The following HMBOX1 variants were observed in gnomAD, a reference collection of about 807,000 sequenced individuals.
The protein encoded by HMBOX1 is homeobox-containing protein 1.
Under a neutral mutation model 54.5 loss-of-function variants are expected in HMBOX1, and 14 were observed. That is an observed-to-expected ratio of 0.26 (90% CI 0.17 to 0.40). The LOEUF (loss-of-function observed/expected upper bound fraction) is 0.40. Ranked by LOEUF, HMBOX1 falls within the 10% of genes least tolerant of loss-of-function variation. The pLI is 1.00. For missense variants in HMBOX1, 332 were observed against 514.4 expected, an observed-to-expected ratio of 0.65 and a Z score of 3.43; for synonymous variants, 160 against 181.0, an observed-to-expected ratio of 0.88 and a Z score of 0.93.
intron 1 of HMBOX1, among the ~76,000 whole-genome samples, chr8:28,910,772 T>C (rs1015653202): frequency 6.6e-6 from 1 of 152,190 alleles, no homozygotes; most frequent in African/African-American, 2.4e-5. Context: ...ATGTCTTTTA[T>C]AGATATATTA....
intron 9 of HMBOX1, chr8:29,050,266 C>T: frequency 1.0e-6 from 1 of 972,340 alleles, no homozygotes; most frequent in South Asian, 4.8e-5. Flanking sequence ...GAGAAACATA[C>T]CCCTTATTTG....
intron 3 of HMBOX1, among the ~76,000 whole-genome samples, chr8:28,975,101 C>A (rs1268693664): frequency 6.6e-6 from 1 of 152,160 alleles, no homozygotes; most frequent in Non-Finnish European, 1.5e-5. Flanking sequence ...ATCAGGCTTT[C>A]CATTTTACAA....
At chr8:28,921,025 A>C (rs1817467499) in intron 1 of HMBOX1, among the ~76,000 whole-genome samples, 2 of 152,242 alleles carry the variant, frequency 1.3e-5, no homozygotes, top group African/African-American at 4.8e-5. Flanking sequence ...CAAACATTTC[A>C]TAAGCATTTA....
intron 4 of HMBOX1, among the ~76,000 whole-genome samples, chr8:29,003,350 G>C (rs1161588082): frequency 6.6e-6 from 1 of 150,868 alleles, no homozygotes. Flanking sequence ...AATAAATTAT[G>C]GTATAGAATA....
Position 29,038,326 on chromosome 8 carries a change from A to T in HMBOX1, c.852-7035A>T, listed in dbSNP as rs561619737. ...AAGACATTCACTGATCACTCAGCCGACAGTGTCCTTTGTAAAAGTGTAGTG... is the reference window on the plus strand; with the variant it reads ...AAGACATTCACTGATCACTCAGCCGTCAGTGTCCTTTGTAAAAGTGTAGTG... On this transcript the variant is annotated intron_variant, in intron 6 of 9. Coordinates refer to ENST00000287701, the MANE Select transcript of HMBOX1 (RefSeq NM_001135726.3). Among the ~76,000 whole-genome samples the T allele has an allele frequency of 6.8e-4, 104 of 152,324 alleles. No homozygotes were observed. The Middle Eastern group carries it at 0.017, about 25-fold the overall frequency.
intron 1 of HMBOX1, among the ~76,000 whole-genome samples, chr8:28,932,809 G>T (rs1819687043): frequency 6.6e-6 from 1 of 152,172 alleles, no homozygotes; most frequent in Non-Finnish European, 1.5e-5. Flanking sequence ...GCTAGAAGGT[G>T]CAAAATGGCC....
rs764669920 is a variant in HMBOX1 at position 29,018,804 on chromosome 8, C to A, written c.742C>A (p.Pro248Thr). Residue 248 changes from proline to threonine, a missense_variant, in exon 6 of 10, where the codon CCT becomes ACT. Pro to Thr is a conservative substitution (Grantham distance 38, BLOSUM62 -1). Around this residue, in one of 4 missense-constraint regions of HMBOX1, gnomAD observed 117 missense variants for 220.0 expected, o/e 0.53. Coordinates refer to ENST00000287701, the MANE Select transcript of HMBOX1 (RefSeq NM_001135726.3). ...ACCAGCCCCCATTCCAATAGAGGAC[C>A]CTGAATGGAGACAAACGCCTCCCCC... Reference protein sequence around the residue: ...MRPAPIPIEDPEWRQTPPPVS... With the variant: ...MRPAPIPIEDTEWRQTPPPVS... 6.2e-7 allele frequency: 1 copy of A among 1,614,112 alleles called. No homozygotes were observed. Among genetic ancestry groups the A allele is most frequent in the Non-Finnish European group, 8.5e-7 (1 of 1,179,964 alleles).
chr8:28,973,735 T>C (rs1827832975), intron 3 of HMBOX1, among the ~76,000 whole-genome samples: 1 of 151,730 alleles, frequency 6.6e-6, no homozygotes, highest in African/African-American at 2.4e-5. Flanking sequence ...CAAGATGTAG[T>C]TTTAAAAATC....
At chr8:29,008,626 G>C (rs1010162563) in intron 4 of HMBOX1, among the ~76,000 whole-genome samples, 1 of 152,000 alleles carries the variant, frequency 6.6e-6, no homozygotes, top group African/African-American at 2.4e-5. Context: ...AAATCTTTTG[G>C]TCAGTATCCG....
intron 1 of HMBOX1, among the ~76,000 whole-genome samples, chr8:28,923,526 T>C (rs1817895262): frequency 6.6e-6 from 1 of 152,228 alleles, no homozygotes. Flanking sequence ...ACTTTTTTCT[T>C]GTCATTTGTC....
At chr8:28,992,760 C>T (rs868399890) in intron 4 of HMBOX1, among the ~76,000 whole-genome samples, 10 of 149,284 alleles carry the variant, frequency 6.7e-5, no homozygotes, top group African/African-American at 2.2e-4. Context: ...ATCCCAGCTA[C>T]TCAGGAGGCT....
intron 1 of HMBOX1, among the ~76,000 whole-genome samples, chr8:28,901,878 C>T (rs1813298135): frequency 6.6e-6 from 1 of 152,268 alleles, no homozygotes; most frequent in South Asian, 2.1e-4. Flanking sequence ...CTACCTTACC[C>T]ACTTAATGTA....
intron 7 of HMBOX1, among the ~76,000 whole-genome samples, chr8:29,047,104 A>C (rs1487044804): frequency 6.6e-6 from 1 of 152,204 alleles, no homozygotes; most frequent in Non-Finnish European, 1.5e-5. Flanking sequence ...GAATTCTCTA[A>C]TATTATGTAT....
chr8:28,908,319 T>C (rs1814729245), intron 1 of HMBOX1, among the ~76,000 whole-genome samples: 1 of 152,210 alleles, frequency 6.6e-6, no homozygotes, highest in Non-Finnish European at 1.5e-5. Flanking sequence ...AAAGAGTAGA[T>C]TTATTTTGCA....
intron 4 of HMBOX1, among the ~76,000 whole-genome samples, chr8:28,993,395 A>G (rs1429303918): frequency 6.6e-6 from 1 of 152,212 alleles, no homozygotes; most frequent in Non-Finnish European, 1.5e-5. Context: ...TATGTCTAGA[A>G]TGATGACAGT....
chr8:28,943,127 G>A (rs1014633704), intron 1 of HMBOX1, among the ~76,000 whole-genome samples: 2 of 152,192 alleles, frequency 1.3e-5, no homozygotes, highest in Non-Finnish European at 2.9e-5. Flanking sequence ...AGGTTGTTGT[G>A]TTTCACGCTG....
At position 28,963,845 on chromosome 8, in the gene HMBOX1, TA is replaced by T. The variant is rs1826000263; in HGVS notation, c.-22del. The T allele has an allele frequency of 6.3e-7, 1 of 1,592,090 alleles. No individual in the cohort carries two copies. Among genetic ancestry groups the T allele is most frequent in the Admixed American group, 1.7e-5 (1 of 59,264 alleles). On this transcript the variant is annotated 5_prime_UTR_variant, in exon 2 of 10. An upstream open reading frame in the 5' UTR loses its in-frame stop. Coordinates refer to ENST00000287701, the MANE Select transcript of HMBOX1 (RefSeq NM_001135726.3). Reference sequence around the variant, plus strand: ...TAACGCAGATCATCTCTGGAAAGGATATTGATCCGCCTCATGTAAAGTATGC... The same window carrying T: ...TAACGCAGATCATCTCTGGAAAGGATTTGATCCGCCTCATGTAAAGTATGC...
At position 29,052,170 on chromosome 8, in the gene HMBOX1, G is replaced by A. The variant is rs1013613748; in HGVS notation, c.*1015G>A. The stretch of plus-strand genomic sequence containing the variant: ...CTTGCAGTGTTTGTATCCATTAAAC[G>A]GAAGCCCCCTCACTCTGAGAGGTCA... On this transcript the variant is annotated 3_prime_UTR_variant, in exon 10 of 10. Coordinates refer to ENST00000287701, the MANE Select transcript of HMBOX1 (RefSeq NM_001135726.3). 2.0e-5 allele frequency: 3 copies of A among 152,978 alleles called. No homozygotes were observed. The highest frequency in any genetic ancestry group is 2.9e-5 in the Non-Finnish European group (2 of 68,558). 9.5% of individuals were successfully genotyped at this position (152,978 alleles called of 1,614,324 possible).
At chr8:29,023,292 A>G (rs1801483512) in intron 6 of HMBOX1, among the ~76,000 whole-genome samples, 1 of 152,240 alleles carries the variant, frequency 6.6e-6, no homozygotes, top group African/African-American at 2.4e-5. Flanking sequence ...TTTAAAAAAA[A>G]CAGCCTTAAT....
Sources: gnomAD v4.1 joint callset for allele counts (sites outside exome capture counted in the v4.1 genomes callset) on GRCh38, gnomAD v4.1.1 for gene constraint, gnomAD v4.1.1 regional missense constraint, MANE v1.5 for transcripts, NCBI Gene and HGNC (gene_info 2026-07-23, HGNC 2026-07-21) for gene names.